Variants in SLC22A23 observed in about 807,000 individuals in gnomAD.
SLC22A23 encodes the protein solute carrier family 22 member 23.
SLC22A23 carries 26 observed loss-of-function variants against 61.0 expected under a neutral mutation model. That is an observed-to-expected ratio of 0.43 (90% CI 0.31 to 0.59). SLC22A23 has a LOEUF of 0.59. Among genes scored for constraint, SLC22A23 ranks in the 20% least tolerant of loss-of-function variants. The pLI, the probability that SLC22A23 is intolerant of heterozygous loss-of-function variation, is 0.11. For synonymous variants in SLC22A23, 430 were observed against 413.9 expected (o/e 1.04, Z -0.47); for missense variants, 796 against 934.7 (o/e 0.85, Z 1.94).
intron 3 of SLC22A23, among the ~76,000 whole-genome samples, chr6:3,334,924 C>T (rs994561692): frequency 7.2e-5 from 11 of 152,212 alleles, no homozygotes; most frequent in African/African-American, 2.4e-4. Context: ...ATTGTGATTT[C>T]CACACCAGGG....
At chr6:3,323,405 A>G (rs935034091) in intron 4 of SLC22A23, 11 of 454,616 alleles carry the variant, frequency 2.4e-5, no homozygotes, top group Non-Finnish European at 4.8e-5. Context: ...CACAGGCTGA[A>G]GGTTGCCCAC....
rs1340581262 is a variant in SLC22A23, at chr6:3,330,119, C to T, written c.914-6117G>A. Among the ~76,000 whole-genome samples the T allele has an allele frequency of 6.6e-6, 1 of 152,226 alleles. No homozygotes were observed. The highest frequency in any genetic ancestry group is 1.5e-5 in the Non-Finnish European group (1 of 68,046). The stretch of plus-strand genomic sequence containing the variant: ...CACACAGGATTCAAAGAGGCCACTT[C>T]TCCAAACCCGCTGTCCTTACAAGTG... On this transcript the variant is annotated intron_variant, in intron 3 of 9. Transcript: ENST00000406686. The surrounding 1 kb of genome is among the most constrained non-coding windows in gnomAD (Gnocchi z 4.7).
chr6:3,376,344 C>G (rs1561936451), intron 3 of SLC22A23, among the ~76,000 whole-genome samples: 1 of 152,160 alleles, frequency 6.6e-6, no homozygotes, highest in Non-Finnish European at 1.5e-5. Flanking sequence ...CAAACCTTCC[C>G]ACTGTCCTCC....
At chr6:3,455,424 TG>T (rs1232152659) in intron 1 of SLC22A23, among the ~76,000 whole-genome samples, 1 of 152,184 alleles carries the variant, frequency 6.6e-6, no homozygotes, top group African/African-American at 2.4e-5. Context: ...GGCTGCGGGT[TG>T]GGGATTTGCA....
In SLC22A23 at chr6:3,323,874, G is replaced by C; in HGVS notation, c.1042C>G (p.Leu348Val). 1 of 1,614,114 alleles carries C rather than the reference G, an allele frequency of 6.2e-7. No homozygotes were observed. Among genetic ancestry groups the C allele is most frequent in the South Asian group, 1.1e-5 (1 of 91,064 alleles). Residue 348 changes from leucine to valine, a missense_variant, in exon 4 of 10, where the codon CTC (leucine) becomes GTC (valine). Transcript: ENST00000406686. ...ATGAGCAGGAAGGGGCAGATGATGA[G>C]GGCCTGCAGCACCTGCCAATCCCGG... ...LCRDWQVLQA[L>V]IICPFLLMLL...
chr6:3,365,006 G>C (rs142448540), intron 3 of SLC22A23, among the ~76,000 whole-genome samples: 7 of 152,340 alleles, frequency 4.6e-5, no homozygotes, highest in African/African-American at 1.7e-4. Context: ...GGTGTCTGCT[G>C]TATAGTTTAT....
chr6:3,367,257 A>C (rs1233514660), intron 3 of SLC22A23, among the ~76,000 whole-genome samples: 1 of 152,198 alleles, frequency 6.6e-6, no homozygotes, highest in Non-Finnish European at 1.5e-5. Flanking sequence ...ACAGTCCAGA[A>C]ATCAAATTTT....
chr6:3,292,275 C>T (rs115679734), intron 5 of SLC22A23, among the ~76,000 whole-genome samples: 1,841 of 152,312 alleles, frequency 0.012, 52 homozygotes, highest in African/African-American at 0.042. Flanking sequence ...CTCAAGGCAG[C>T]GCTCTATGTT....
At chr6:3,430,232 G>A (rs1408564142) in intron 1 of SLC22A23, among the ~76,000 whole-genome samples, 1 of 152,116 alleles carries the variant, frequency 6.6e-6, no homozygotes, top group Non-Finnish European at 1.5e-5. Context: ...CCAAGGTGCA[G>A]GCCTCTCTAT....
In SLC22A23 at chr6:3,304,289, T is replaced by C. The variant is rs77783542; in HGVS notation, c.1083-6071A>G. 2.0e-5 allele frequency among the ~76,000 whole-genome samples: 3 copies of C among 152,150 alleles called. No homozygotes were observed. The highest frequency in any genetic ancestry group is 2.9e-5 in the Non-Finnish European group (2 of 68,012). ...CTCCCTCATCTTTGTCATCCTCCAA[T>C]TGGGTCTAAAGGCAACACACTTTGG... On this transcript the variant is annotated intron_variant, in intron 4 of 9. Transcript: ENST00000406686. The surrounding 1 kb of genome is among the most constrained non-coding windows in gnomAD (Gnocchi z 4.3).
In SLC22A23 at chr6:3,323,961, T is replaced by C. The variant is rs373444198; in HGVS notation, c.955A>G (p.Met319Val). 3.7e-6 allele frequency: 6 copies of C among 1,614,090 alleles called. No homozygotes were observed. In the African/African-American group the frequency reaches 8.0e-5, roughly 22 times the overall value. ...CPPGKRFMIT[M>V]VASFVAMAGQ... ...GCCATGGCCACGAAGCTCGCCACCATCGTAATCATGAACCGTTTTCCAGGG... is the reference window on the plus strand; with the variant it reads ...GCCATGGCCACGAAGCTCGCCACCACCGTAATCATGAACCGTTTTCCAGGG... The change falls in exon 4 of 10, where the codon ATG becomes GTG. Residue 319 changes from methionine to valine, a missense_variant. Met to Val is a conservative substitution (Grantham distance 21). Coordinates refer to ENST00000406686, the MANE Select transcript of SLC22A23 (RefSeq NM_015482.2).
At chr6:3,369,641 A>C (rs1315983938) in intron 3 of SLC22A23, among the ~76,000 whole-genome samples, 1 of 151,970 alleles carries the variant, frequency 6.6e-6, no homozygotes, top group Non-Finnish European at 1.5e-5. Context: ...CAGTGAGCCA[A>C]GATTGTGCCA....
At chr6:3,419,141 A>C (rs6915825) in intron 1 of SLC22A23, among the ~76,000 whole-genome samples, 144,386 of 152,202 alleles carry the variant, frequency 0.95, 68,608 homozygotes, top group Middle Eastern at 0.98. Flanking sequence ...GAGTAACGTT[A>C]TAAAAAGTAC....
In SLC22A23 at chr6:3,336,709, A is replaced by G. The variant is rs138375820; in HGVS notation, c.914-12707T>C. On this transcript the variant is annotated intron_variant, in intron 3 of 9. Coordinates refer to ENST00000406686, the MANE Select transcript of SLC22A23 (RefSeq NM_015482.2). ...TGAATCAGACCACAGAAATCAGACC[A>G]CAGAAATCAGGCACAACTTCCATGT... Among the ~76,000 whole-genome samples, 54 of 150,758 alleles carry G rather than the reference A, an allele frequency of 3.6e-4. No homozygotes were observed. The South Asian group carries it at 9.8e-3, about 27-fold the overall frequency.
intron 8 of SLC22A23, 128 bp from the exon 9 acceptor site, chr6:3,284,103 TC>T: frequency 1.1e-6 from 1 of 934,484 alleles, no homozygotes; most frequent in Non-Finnish European, 1.6e-6. Context: ...GGTATGCAAT[TC>T]CCTCTGGGGA....
chr6:3,391,289 C>T (rs1203131317), intron 3 of SLC22A23, among the ~76,000 whole-genome samples: 1 of 152,234 alleles, frequency 6.6e-6, no homozygotes, highest in Non-Finnish European at 1.5e-5. Flanking sequence ...GGTTGAGCAA[C>T]AGGTTTTGAA....
At chr6:3,346,968 A>G (rs576136478) in intron 3 of SLC22A23, among the ~76,000 whole-genome samples, 3 of 152,350 alleles carry the variant, frequency 2.0e-5, no homozygotes, top group African/African-American at 7.2e-5. Flanking sequence ...CTGAAAATAC[A>G]GACATATGTA....
At chr6:3,443,709 C>T (rs1326036815) in intron 1 of SLC22A23, among the ~76,000 whole-genome samples, 1 of 152,186 alleles carries the variant, frequency 6.6e-6, no homozygotes, top group Non-Finnish European at 1.5e-5. Context: ...CCTGCGTAAC[C>T]TCACTCCCTG....
chr6:3,358,541 G>C (rs968082609), intron 3 of SLC22A23, among the ~76,000 whole-genome samples: 3 of 152,050 alleles, frequency 2.0e-5, no homozygotes, highest in African/African-American at 4.8e-5. Context: ...GAAAATCAAA[G>C]AGTGGGCTGA....
Sources: gnomAD v4.1 joint callset for allele counts (sites outside exome capture counted in the v4.1 genomes callset) on GRCh38, gnomAD v4.1.1 for gene constraint, Gnocchi (gnomAD v3.1) non-coding constraint, MANE v1.5 for transcripts, NCBI Gene and HGNC (gene_info 2026-07-23, HGNC 2026-07-21) for gene names.